Variants in C7orf57 observed in about 807,000 individuals in gnomAD.
C7orf57 encodes the protein chromosome 7 open reading frame 57.
Under a neutral mutation model 39.0 loss-of-function variants are expected in C7orf57, and 33 were observed. The observed-to-expected ratio is 0.85, with a 90% CI of 0.64 to 1.13. The LOEUF is 1.13. C7orf57 is among the 50% of genes most tolerant of loss of function. The pLI, the probability that C7orf57 is intolerant of heterozygous loss-of-function variation, is 0.00. For synonymous variants in C7orf57, 124 were observed against 137.1 expected (o/e 0.90, Z 0.67); for missense variants, 346 against 362.3 (o/e 0.95, Z 0.37).
At chr7:48,042,829 A>G (rs1485971174) in intron 3 of C7orf57, among the ~76,000 whole-genome samples, 1 of 152,146 alleles carries the variant, frequency 6.6e-6, no homozygotes, top group Non-Finnish European at 1.5e-5. Context: ...GCCTTTTGAA[A>G]CCGGGGGAGG....
At chr7:48,041,011 GGAGA>G (rs1400365446) in intron 2 of C7orf57, among the ~76,000 whole-genome samples, 1 of 152,136 alleles carries the variant, frequency 6.6e-6, no homozygotes, top group African/African-American at 2.4e-5. Context: ...TGGAGGATTA[GGAGA>G]GAGAGACAGA....
intron 8 of C7orf57, among the ~76,000 whole-genome samples, chr7:48,058,383 CATTCTT>C (rs1209756634): frequency 1.3e-4 from 20 of 151,806 alleles, no homozygotes; most frequent in Admixed American, 1.3e-3. Flanking sequence ...TCTCCATACT[CATTCTT>C]AGACAGTTCA....
intron 6 of C7orf57, among the ~76,000 whole-genome samples, chr7:48,052,470 A>G (rs1246591222): frequency 1.3e-5 from 2 of 152,168 alleles, no homozygotes; most frequent in African/African-American, 2.4e-5. Context: ...ATGCTTTGAC[A>G]TGCACTTGCT....
At chr7:48,058,642 ACT>A (rs1791197999) in intron 8 of C7orf57, among the ~76,000 whole-genome samples, 1 of 151,806 alleles carries the variant, frequency 6.6e-6, no homozygotes, top group Non-Finnish European at 1.5e-5. Context: ...TAAAAATACT[ACT>A]CTAACATTTT....
intron 4 of C7orf57, among the ~76,000 whole-genome samples, chr7:48,045,717 AC>A (rs1790695402): frequency 6.6e-6 from 1 of 152,124 alleles, no homozygotes; most frequent in Admixed American, 6.6e-5. Context: ...GCCGTGTCAA[AC>A]TTGAATCCAG....
In C7orf57 at chr7:48,036,951, C is replaced by G. The variant is rs1298353012; in HGVS notation, c.55+588C>G. Among the ~76,000 whole-genome samples, 3 of 150,280 alleles carry G rather than the reference C, an allele frequency of 2.0e-5. No individual in the cohort carries two copies. In the East Asian group the frequency reaches 5.9e-4, roughly 29 times the overall value. ...TCTGGGTTTTTTTTTTTTCCTTTTG[C>G]TATTGCTTTTTTATTTGTGAAAGGC... On this transcript the variant is annotated intron_variant, in intron 2 of 8. Transcript: ENST00000348904.
intron 6 of C7orf57, among the ~76,000 whole-genome samples, chr7:48,051,713 C>T (rs866594126): frequency 8.6e-5 from 5 of 57,944 alleles, no homozygotes; most frequent in East Asian, 8.3e-4. Context: ...CTCTCTCTCT[C>T]CTTTCTTTCT....
chr7:48,043,480 G>A lies in C7orf57; in HGVS notation c.242-1G>A. 6.2e-7 allele frequency: 1 copy of A among 1,612,864 alleles called. No homozygotes were observed. The highest frequency in any genetic ancestry group is 1.3e-5 in the African/African-American group (1 of 74,948). ...ACAGCCATGTCATTTTCTCTTTTGA[G>A]ATTTGTTGAAGCACTTTGCCCCTGG... On this transcript the variant is annotated splice_acceptor_variant, in intron 3 of 8. Transcript: ENST00000348904. LOFTEE classifies it high-confidence loss of function.
chr7:48,036,238 A>T lies in C7orf57; in HGVS notation c.-71A>T. ...GCTCCTGGCAACTGGTCAAGCAGGC[A>T]GCGTCCAGCGCACCCGCGAACACCA... On this transcript the variant is annotated 5_prime_UTR_variant, in exon 2 of 9. Coordinates refer to ENST00000348904, the MANE Select transcript of C7orf57 (RefSeq NM_001100159.3). 2 of 1,500,852 alleles carry T rather than the reference A, an allele frequency of 1.3e-6. No homozygotes were observed. Among genetic ancestry groups the T allele is most frequent in the South Asian group, 2.4e-5 (2 of 83,140 alleles). 93.0% of individuals were successfully genotyped at this position (1,500,852 alleles called of 1,614,324 possible).
rs1324755500 is a variant in C7orf57 at position 48,036,323 on chromosome 7, C to A, written c.15C>A (p.Ser5Arg). The A allele has an allele frequency of 6.3e-7, 1 of 1,590,248 alleles. No individual in the cohort carries two copies. The change falls in exon 2 of 9, where the codon AGC (serine) becomes AGA (arginine). Residue 5 changes from serine to arginine, a missense_variant. By Grantham distance (110) the Ser-to-Arg change is moderately radical. Transcript: ENST00000348904. MRNTSKELQGATHRY... is the reference protein window; with the variant it reads MRNTRKELQGATHRY... ...AGCGCCTGACCATGAGGAACACAAG[C>A]AAGGAACTTCAGGGCGCCACGCACC...
chr7:48,051,728 CTT>C (rs1301840394), intron 6 of C7orf57, among the ~76,000 whole-genome samples: 20 of 72,014 alleles, frequency 2.8e-4, no homozygotes, highest in African/African-American at 4.9e-4. Flanking sequence ...CTTTCTTTCT[CTT>C]TTTCTTTTCT....
intron 8 of C7orf57, 61 bp from the exon 9 acceptor site, chr7:48,060,165 T>G: frequency 9.3e-7 from 1 of 1,074,786 alleles, no homozygotes; most frequent in South Asian, 1.6e-5. Context: ...TTAAAATTAA[T>G]GTTTTTTAAT....
At chr7:48,050,059 A>C in intron 6 of C7orf57, 82 bp downstream of exon 6, 1 of 909,146 alleles carries the variant, frequency 1.1e-6, no homozygotes, top group Non-Finnish European at 1.8e-6. Context: ...TGACTGCGCT[A>C]GTGACAGCAT....
chr7:48,043,874 AGCTTCTAAGATGGTGGCGGGCT>A (rs1308187856), intron 4 of C7orf57, among the ~76,000 whole-genome samples: 1 of 151,278 alleles, frequency 6.6e-6, no homozygotes, highest in Non-Finnish European at 1.5e-5. Flanking sequence ...TCGTTCTTAG[AGCTTCTAAGATGGTGGCGGGCT>A]GCTTCCAAGA....
At chr7:48,052,563 G>T (rs866374439) in intron 6 of C7orf57, 137 bp from the exon 7 acceptor site, 8 of 689,268 alleles carry the variant, frequency 1.2e-5, no homozygotes, top group South Asian at 1.9e-5. Context: ...AAAGAGAGAG[G>T]GAAAGACAGA....
intron 8 of C7orf57, among the ~76,000 whole-genome samples, chr7:48,056,535 G>T (rs138954649): frequency 6.6e-6 from 1 of 151,954 alleles, no homozygotes; most frequent in African/African-American, 2.4e-5. Context: ...TGCTGGGGAG[G>T]TTTTTCCCTA....
rs1176772818 is a variant in C7orf57 at position 48,051,888 on chromosome 7, TTTCC to T, written c.606-797_606-794del. ...CTTTCTTTCTCTTTCTCTTTCTTTC[TTTCC>T]TTCCTTCCTTCCTTTTCTTTTCTCT... On this transcript the variant is annotated intron_variant, in intron 6 of 8. Coordinates refer to ENST00000348904, the MANE Select transcript of C7orf57 (RefSeq NM_001100159.3). 2.2e-3 allele frequency among the ~76,000 whole-genome samples: 157 copies of T among 72,904 alleles called. 6 individuals carry two copies. Among genetic ancestry groups the T allele is most frequent in the African/African-American group, 3.3e-3 (79 of 24,094 alleles). The allele number at this position is 72,904 out of a possible 152,430, so 47.8% of individuals were successfully genotyped here. A position where few individuals can be genotyped will look rare whatever the true frequency, so the allele number is the denominator to read the frequency against.
chr7:48,051,770 C>CTTTCTTTCTTTCT lies in C7orf57; in HGVS notation c.606-927_606-915dup, dbSNP rs1554299696. Among the ~76,000 whole-genome samples the CTTTCTTTCTTTCT allele has an allele frequency of 1.3e-4, 7 of 54,022 alleles. No homozygotes were observed. The East Asian group carries it at 3.6e-3, about 28-fold the overall frequency. 35.4% of individuals were successfully genotyped at this position (54,022 alleles called of 152,430 possible). On this transcript the variant is annotated intron_variant, in intron 6 of 8. Coordinates refer to ENST00000348904, the MANE Select transcript of C7orf57 (RefSeq NM_001100159.3). Reference sequence around the variant, plus strand: ...TTTTCTTTTCTTTCTTTCTTTCTTTCTTTCTTTCTTTCTTTCTTTCTTTCT... The same window carrying CTTTCTTTCTTTCT: ...TTTTCTTTTCTTTCTTTCTTTCTTTCTTTCTTTCTTTCTTTTCTTTCTTTCTTTCTTTCTTTCT...
chr7:48,046,371 A>C, intron 4 of C7orf57, 89 bp from the exon 5 acceptor site: 1 of 1,248,288 alleles, frequency 8.0e-7, no homozygotes, highest in Non-Finnish European at 1.1e-6. Context: ...GGAGGGAGGG[A>C]AAGGGAGAGC....
Sources: allele counts gnomAD v4.1 joint callset (sites outside exome capture counted in the v4.1 genomes callset), GRCh38; gene constraint gnomAD v4.1.1; transcripts MANE v1.5; gene names NCBI Gene and HGNC (gene_info 2026-07-23, HGNC 2026-07-21).